The following MSRA variants were observed in gnomAD, a reference collection of about 807,000 sequenced individuals.
MSRA encodes the protein mitochondrial peptide methionine sulfoxide reductase.
In MSRA, 54 loss-of-function variants were observed where a neutral mutation model predicts 31.3. The observed-to-expected ratio is 1.73, with a 90% CI of 1.39 to 2.17. The LOEUF (loss-of-function observed/expected upper bound fraction) is 2.17. Ranked by LOEUF, MSRA falls within the 30% of genes most tolerant of loss-of-function variation. The probability of loss-of-function intolerance (pLI) is 0.00; values close to 1 mark genes in which losing one functional copy is unlikely to be tolerated. For missense variants in MSRA, 507 were observed against 300.9 expected, an observed-to-expected ratio of 1.69 and a Z score of -5.07; for synonymous variants, 169 against 116.5, an observed-to-expected ratio of 1.45 and a Z score of -2.90.
At chr8:10,165,813 A>C (rs1471032401) in intron 1 of MSRA, among the ~76,000 whole-genome samples, 4 of 152,208 alleles carry the variant, frequency 2.6e-5, no homozygotes, top group South Asian at 4.1e-4. Flanking sequence ...TTGCTGACAA[A>C]TAAATGCTTC....
intron 1 of MSRA, among the ~76,000 whole-genome samples, chr8:10,064,788 G>A (rs1797379070): frequency 6.6e-6 from 1 of 152,084 alleles, no homozygotes; most frequent in African/African-American, 2.4e-5. Flanking sequence ...AAAAAGCATG[G>A]TTCAGATGAG....
At chr8:10,320,069 T>G in intron 5 of MSRA, 80 bp downstream of exon 5, 1 of 837,298 alleles carries the variant, frequency 1.2e-6, no homozygotes, top group Admixed American at 2.9e-5. Context: ...GGCAGTCTGC[T>G]GCTTTTCAAC....
At chr8:10,207,763 T>G (rs1809122721) in intron 1 of MSRA, 70 bp from the exon 2 acceptor site, 28 of 1,401,942 alleles carry the variant, frequency 2.0e-5, no homozygotes, top group Non-Finnish European at 2.7e-5. Flanking sequence ...CATTGACACA[T>G]TTAATGACAT....
At chr8:10,106,570 C>G (rs1420531386) in intron 1 of MSRA, among the ~76,000 whole-genome samples, 1 of 152,212 alleles carries the variant, frequency 6.6e-6, no homozygotes, top group African/African-American at 2.4e-5. Context: ...CAGACACACA[C>G]ACCACACACG....
At chr8:10,425,170 G>C (rs1432492448) in intron 5 of MSRA, among the ~76,000 whole-genome samples, 2 of 152,168 alleles carry the variant, frequency 1.3e-5, no homozygotes, top group Non-Finnish European at 2.9e-5. Flanking sequence ...GTGCTGGGAA[G>C]GACAACCGAA....
rs1000580877 is a variant in MSRA at position 10,306,747 on chromosome 8, G to A, written c.436+5109G>A. 8.5e-5 allele frequency among the ~76,000 whole-genome samples: 13 copies of A among 152,094 alleles called. No individual in the cohort carries two copies. In the East Asian group the frequency reaches 9.7e-4, roughly 11 times the overall value. On this transcript the variant is annotated intron_variant, in intron 4 of 5. Coordinates refer to ENST00000317173, the MANE Select transcript of MSRA (RefSeq NM_012331.5). ...CACAATTCAGACCTCCTAGTCCTGC[G>A]TGGGACTCGGGGCACAGACTGAGTG...
intron 1 of MSRA, among the ~76,000 whole-genome samples, chr8:10,136,954 T>G (rs535323956): frequency 7.0e-4 from 106 of 152,346 alleles, no homozygotes; most frequent in African/African-American, 2.4e-3. Flanking sequence ...TCTCTAGTCA[T>G]TGTCGTCATG....
rs758604537 is a variant in MSRA, at chr8:10,428,303, TA to T, written c.705del (p.Lys235AsnfsTer14). Reference protein sequence around the residue: ...GTGVSCPVGIKK With the variant: ...GTGVSCPVGIXK ...CCGGCGTGTCCTGCCCAGTGGGTAT[TA>T]AAAAATAATTTCTCCCCACATGGTG... On this transcript the variant is annotated frameshift_variant, in exon 6 of 6. Transcript: ENST00000317173. LOFTEE classifies it high-confidence loss of function. The T allele has an allele frequency of 6.2e-7, 1 of 1,610,970 alleles. No homozygotes were observed. The highest frequency in any genetic ancestry group is 1.7e-5 in the Admixed American group (1 of 58,624).
intron 5 of MSRA, among the ~76,000 whole-genome samples, chr8:10,348,928 A>G (rs918722488): frequency 6.6e-6 from 1 of 152,078 alleles, no homozygotes; most frequent in Admixed American, 6.5e-5. Flanking sequence ...TGCTCACGAG[A>G]TCTAAAAAAG....
In MSRA at chr8:10,339,138, C is replaced by A. The variant is rs1489385176; in HGVS notation, c.543+19149C>A. On this transcript the variant is annotated intron_variant, in intron 5 of 5. Transcript: ENST00000317173. ...GACAGATGAAAATTTTCATTGATCTCCTCTCTGGTCCCTGCCTTTCCTAGC... is the reference window on the plus strand; with the variant it reads ...GACAGATGAAAATTTTCATTGATCTACTCTCTGGTCCCTGCCTTTCCTAGC... Among the ~76,000 whole-genome samples the A allele has an allele frequency of 2.0e-5, 3 of 152,174 alleles. No homozygotes were observed. In the East Asian group the frequency reaches 5.8e-4, roughly 29 times the overall value.
intron 5 of MSRA, among the ~76,000 whole-genome samples, chr8:10,397,614 G>T (rs569507283): frequency 6.6e-6 from 1 of 152,200 alleles, no homozygotes; most frequent in Non-Finnish European, 1.5e-5. Flanking sequence ...CTAAGAGAGG[G>T]CCTGGCACCT....
At chr8:10,350,994 C>G (rs372558877) in intron 5 of MSRA, among the ~76,000 whole-genome samples, 1 of 152,228 alleles carries the variant, frequency 6.6e-6, no homozygotes, top group African/African-American at 2.4e-5. Context: ...AGAACTCTTA[C>G]TCCCCATGAA....
chr8:10,144,649 G>T (rs1297065646), intron 1 of MSRA, among the ~76,000 whole-genome samples: 1 of 144,054 alleles, frequency 6.9e-6, no homozygotes, highest in African/African-American at 2.6e-5. Context: ...TCTGCAATGT[G>T]CCCAACCCCC....
chr8:10,081,235 C>G (rs1377805690), intron 1 of MSRA, among the ~76,000 whole-genome samples: 1 of 152,204 alleles, frequency 6.6e-6, no homozygotes, highest in Non-Finnish European at 1.5e-5. Flanking sequence ...GGGGCCTGCT[C>G]TGAGGCTGCT....
intron 5 of MSRA, among the ~76,000 whole-genome samples, chr8:10,348,518 C>T (rs1585547304): frequency 6.6e-6 from 1 of 151,710 alleles, no homozygotes; most frequent in Non-Finnish European, 1.5e-5. Context: ...TACAAGCGTG[C>T]GCCACCATGC....
intron 3 of MSRA, among the ~76,000 whole-genome samples, chr8:10,254,945 T>C (rs928818006): frequency 6.6e-5 from 10 of 152,362 alleles, no homozygotes; most frequent in Admixed American, 5.2e-4. Flanking sequence ...GGATGGACTT[T>C]ACAGGTCATC....
intron 2 of MSRA, among the ~76,000 whole-genome samples, chr8:10,222,913 T>C (rs140964800): frequency 6.6e-6 from 1 of 152,306 alleles, no homozygotes; most frequent in African/African-American, 2.4e-5. Flanking sequence ...CTATAGTTAA[T>C]AATAATACAT....
chr8:10,297,146 C>T (rs190592505), intron 3 of MSRA, among the ~76,000 whole-genome samples: 16 of 152,226 alleles, frequency 1.1e-4, no homozygotes, highest in African/African-American at 3.1e-4. Context: ...TAGATGACCC[C>T]AGAATGCCTG....
chr8:10,156,247 A>G (rs1249551070), intron 1 of MSRA, among the ~76,000 whole-genome samples: 1 of 152,244 alleles, frequency 6.6e-6, no homozygotes, highest in East Asian at 1.9e-4. Flanking sequence ...CATTTTTGAG[A>G]CAATCGGGGA....
Sources: gnomAD v4.1 joint callset for allele counts (sites outside exome capture counted in the v4.1 genomes callset) on GRCh38, gnomAD v4.1.1 for gene constraint, MANE v1.5 for transcripts, NCBI Gene and HGNC (gene_info 2026-07-23, HGNC 2026-07-21) for gene names.